Variants in ADGRL2 observed in about 807,000 individuals in gnomAD.
ADGRL2 encodes calcium-independent alpha-latrotoxin receptor 2.
In ADGRL2, 44 loss-of-function variants were observed where a neutral mutation model predicts 157.4. The observed-to-expected ratio is 0.28, with a 90% CI of 0.22 to 0.36. ADGRL2 has a LOEUF of 0.36. ADGRL2 is among the 10% of genes least tolerant of loss of function. ADGRL2 has a pLI of 1.00. For synonymous variants in ADGRL2, 585 were observed against 624.7 expected (o/e 0.94, Z 0.95); for missense variants, 1,510 against 1,768.9 (o/e 0.85, Z 2.63).
intron 2 of ADGRL2, among the ~76,000 whole-genome samples, chr1:81,778,404 A>G (rs2086683460): frequency 6.6e-6 from 1 of 152,126 alleles, no homozygotes; most frequent in Non-Finnish European, 1.5e-5. Flanking sequence ...TCCTTATTAA[A>G]TGCTTTGCTA....
At chr1:81,824,536 A>G (rs749694594) in intron 1 of ADGRL2, among the ~76,000 whole-genome samples, 2 of 152,274 alleles carry the variant, frequency 1.3e-5, no homozygotes, top group South Asian at 2.1e-4. Flanking sequence ...TGGCTCCCCA[A>G]ATTGCTGGGA....
intron 3 of ADGRL2, among the ~76,000 whole-genome samples, chr1:81,591,329 T>C (rs1012058821): frequency 5.3e-5 from 8 of 152,180 alleles, no homozygotes; most frequent in Non-Finnish European, 1.2e-4. Flanking sequence ...TTCAGAGTCC[T>C]AAATTTTGCA....
At chr1:81,727,619 G>C (rs985069622) in intron 1 of ADGRL2, among the ~76,000 whole-genome samples, 1 of 152,008 alleles carries the variant, frequency 6.6e-6, no homozygotes, top group African/African-American at 2.4e-5. Flanking sequence ...TTTTAGTAGA[G>C]ACAGGGTTTC....
chr1:81,699,616 A>G (rs2083517227), upstream of ADGRL2: 1 of 152,154 alleles, frequency 6.6e-6, no homozygotes, highest in Admixed American at 6.5e-5. Flanking sequence ...CCAATATGAC[A>G]CCTGTCTGCT....
chr1:81,686,178 T>C (rs1281892753), intron 3 of ADGRL2, among the ~76,000 whole-genome samples: 2 of 152,204 alleles, frequency 1.3e-5, no homozygotes. Context: ...GTTCCTTCTT[T>C]CTCTATCTTG....
chr1:81,599,834 T>G (rs574660371), intron 3 of ADGRL2, among the ~76,000 whole-genome samples: 1 of 152,262 alleles, frequency 6.6e-6, no homozygotes, highest in African/African-American at 2.4e-5. Flanking sequence ...GCTTATCAGA[T>G]GTAATCTAAA....
intron 2 of ADGRL2, among the ~76,000 whole-genome samples, chr1:81,495,499 AT>A (rs1351966200): frequency 1.3e-5 from 2 of 152,180 alleles, no homozygotes; most frequent in African/African-American, 2.4e-5. Flanking sequence ...CCAAAGACTT[AT>A]TAAAATATTG....
intron 1 of ADGRL2, among the ~76,000 whole-genome samples, chr1:81,417,981 C>T (rs972870376): frequency 1.3e-5 from 2 of 152,040 alleles, no homozygotes; most frequent in Non-Finnish European, 2.9e-5. Context: ...TTTTAAGGGG[C>T]TCACTTGAAA....
chr1:81,855,979 A>T (rs1211756282), intron 2 of ADGRL2, among the ~76,000 whole-genome samples: 1 of 152,164 alleles, frequency 6.6e-6, no homozygotes. Context: ...GTTCGTGGTA[A>T]GGGACAGAAG....
chr1:81,758,512 G>C (rs568570961), intron 1 of ADGRL2, among the ~76,000 whole-genome samples: 66 of 152,246 alleles, frequency 4.3e-4, no homozygotes, highest in African/African-American at 1.5e-3. Context: ...AGTAGGATTT[G>C]CCAACTTGCT....
At chr1:81,898,499 A>G (rs1257434671) in intron 2 of ADGRL2, among the ~76,000 whole-genome samples, 1 of 152,226 alleles carries the variant, frequency 6.6e-6, no homozygotes, top group African/African-American at 2.4e-5. Context: ...AAAAAAGTAG[A>G]TGTTTTAGGG....
At chr1:81,682,567 C>G (rs966873634) in intron 3 of ADGRL2, among the ~76,000 whole-genome samples, 2 of 152,018 alleles carry the variant, frequency 1.3e-5, no homozygotes, top group African/African-American at 4.8e-5. Flanking sequence ...ATTCTTCTAC[C>G]CTGTGGTGTG....
intron 1 of ADGRL2, among the ~76,000 whole-genome samples, chr1:81,433,302 G>A (rs2077355140): frequency 6.6e-6 from 1 of 152,078 alleles, no homozygotes; most frequent in Non-Finnish European, 1.5e-5. Flanking sequence ...ATTAGTGCAG[G>A]TCAATCTCCT....
chr1:81,544,673 G>A (rs1430234850), intron 2 of ADGRL2, among the ~76,000 whole-genome samples: 2 of 152,142 alleles, frequency 1.3e-5, no homozygotes, highest in Non-Finnish European at 2.9e-5. Context: ...CTGCTAGGAA[G>A]GGCACACATA....
intron 2 of ADGRL2, among the ~76,000 whole-genome samples, chr1:81,774,541 G>A (rs1449048334): frequency 6.6e-6 from 1 of 152,082 alleles, no homozygotes; most frequent in Non-Finnish European, 1.5e-5. Flanking sequence ...GTAGGCATGT[G>A]GGCTAAAATA....
intron 2 of ADGRL2, among the ~76,000 whole-genome samples, chr1:81,493,801 G>A (rs1393100734): frequency 6.6e-6 from 1 of 152,100 alleles, no homozygotes; most frequent in Admixed American, 6.6e-5. Flanking sequence ...TGCAGCACAA[G>A]CCAACAGTTT....
At chr1:81,961,661 C>T (rs1655439452) in intron 11 of ADGRL2, among the ~76,000 whole-genome samples, 1 of 151,882 alleles carries the variant, frequency 6.6e-6, no homozygotes, top group East Asian at 1.9e-4. Flanking sequence ...GCATGCATCA[C>T]TACGCCCAGC....
chr1:81,937,818 C>A (rs1304505278), intron 4 of ADGRL2, among the ~76,000 whole-genome samples: 1 of 151,624 alleles, frequency 6.6e-6, no homozygotes, highest in Non-Finnish European at 1.5e-5. Context: ...ACCTCAAAAG[C>A]TAGGTCATTA....
At chr1:81,524,031 CT>C (rs1007292738) in intron 2 of ADGRL2, among the ~76,000 whole-genome samples, 12 of 151,352 alleles carry the variant, frequency 7.9e-5, no homozygotes, top group South Asian at 2.1e-4. Flanking sequence ...CGATATTGCA[CT>C]CCAGCTGGGT....
Sources: allele counts gnomAD v4.1 joint callset (sites outside exome capture counted in the v4.1 genomes callset), GRCh38; gene constraint gnomAD v4.1.1; transcripts MANE v1.5; gene names NCBI Gene and HGNC (gene_info 2026-07-23, HGNC 2026-07-21).